CCSER1: variants seen among roughly 807,000 people sequenced by gnomAD.
The protein encoded by CCSER1 is serine-rich coiled-coil domain-containing protein 1.
A neutral mutation model predicts 82.0 loss-of-function variants in CCSER1; 41 were observed. That is an observed-to-expected ratio of 0.50 (90% CI 0.39 to 0.65). The LOEUF (loss-of-function observed/expected upper bound fraction) is 0.65, where lower values mean the gene tolerates loss of function less well. Ranked by LOEUF, CCSER1 falls within the 30% of genes least tolerant of loss-of-function variation. The probability of loss-of-function intolerance (pLI) is 0.00; values close to 1 mark genes in which losing one functional copy is unlikely to be tolerated. For missense variants in CCSER1, 1,119 were observed against 1,064.2 expected (o/e 1.05, Z -0.72); for synonymous variants, 414 against 383.9 (o/e 1.08, Z -0.92).
chr4:91,008,943 G>A (rs2150496732), intron 9 of CCSER1, among the ~76,000 whole-genome samples: 1 of 152,318 alleles, frequency 6.6e-6, no homozygotes, highest in Non-Finnish European at 1.5e-5. Flanking sequence ...AGAGAGCTGG[G>A]GAACCCAGTG....
chr4:90,606,048 T>G (rs1452835108), intron 5 of CCSER1, among the ~76,000 whole-genome samples: 1 of 152,144 alleles, frequency 6.6e-6, no homozygotes, highest in African/African-American at 2.4e-5. Context: ...ATAATTTCAT[T>G]TGGCTTAGGA....
intron 5 of CCSER1, among the ~76,000 whole-genome samples, chr4:90,551,103 A>G (rs1579109016): frequency 6.6e-6 from 1 of 152,166 alleles, no homozygotes; most frequent in Admixed American, 6.6e-5. Context: ...TTTGGTTACA[A>G]TTAAGTGAAA....
chr4:90,145,230 C>A (rs980529721), intron 1 of CCSER1, among the ~76,000 whole-genome samples: 10 of 151,956 alleles, frequency 6.6e-5, no homozygotes, highest in Non-Finnish European at 1.2e-4. Flanking sequence ...AAATAGGGTA[C>A]CTTTTCAATT....
intron 6 of CCSER1, among the ~76,000 whole-genome samples, chr4:90,651,006 T>C (rs552451850): frequency 6.6e-6 from 1 of 152,338 alleles, no homozygotes; most frequent in Admixed American, 6.5e-5. Flanking sequence ...GGGGAAGTTA[T>C]TTAATGTCTT....
chr4:90,505,219 A>G (rs1770515490), intron 5 of CCSER1, among the ~76,000 whole-genome samples: 1 of 152,242 alleles, frequency 6.6e-6, no homozygotes, highest in Non-Finnish European at 1.5e-5. Flanking sequence ...GAGAAGGGGC[A>G]ACAGATGGGC....
chr4:90,396,837 ATAAG>A (rs1752032375), intron 3 of CCSER1, among the ~76,000 whole-genome samples: 1 of 151,466 alleles, frequency 6.6e-6, no homozygotes, highest in African/African-American at 2.4e-5. Context: ...CCTTTCTCTG[ATAAG>A]TAAAGGACCT....
rs186925276 is a variant in CCSER1, at chr4:90,782,149, C to T, written c.2011-33613C>T. ...TTGCATATTTCCTGGTCGGCCTTCA[C>T]TGAATAGTTAATTAGAATACCACCA... On this transcript the variant is annotated intron_variant, in intron 7 of 10. Transcript: ENST00000509176. 1.9e-3 allele frequency: 400 copies of T among 214,296 alleles called. 2 individuals carry two copies. The highest frequency in any genetic ancestry group is 9.1e-3 in the African/African-American group (386 of 42,622). The allele number at this position is 214,296 out of a possible 1,614,324, so 13.3% of individuals were successfully genotyped here.
chr4:91,347,464 A>C (rs1173630442), intron 10 of CCSER1, among the ~76,000 whole-genome samples: 3 of 151,152 alleles, frequency 2.0e-5, no homozygotes, highest in Non-Finnish European at 4.4e-5. Flanking sequence ...TTTTCTTATG[A>C]AATTTAGAAC....
intron 4 of CCSER1, among the ~76,000 whole-genome samples, chr4:90,444,193 C>G (rs1007091579): frequency 6.6e-6 from 1 of 151,754 alleles, no homozygotes; most frequent in African/African-American, 2.4e-5. Flanking sequence ...TTTGGCACAC[C>G]GAGGTAAAAT....
chr4:90,362,966 A>G (rs1485815304), intron 3 of CCSER1, among the ~76,000 whole-genome samples: 1 of 152,152 alleles, frequency 6.6e-6, no homozygotes, highest in East Asian at 1.9e-4. Flanking sequence ...AATTTATATT[A>G]TTATTTAGAG....
chr4:90,663,729 A>AT (rs1731221681), intron 6 of CCSER1: 1 of 159,436 alleles, frequency 6.3e-6, no homozygotes, highest in Non-Finnish European at 1.4e-5. Context: ...TCTAAAACAT[A>AT]TGTTTGCCAG....
At chr4:90,271,988 G>A (rs767248726) in intron 1 of CCSER1, among the ~76,000 whole-genome samples, 1 of 149,096 alleles carries the variant, frequency 6.7e-6, no homozygotes, top group Admixed American at 6.7e-5. Flanking sequence ...TTTTTACAAG[G>A]CAGGAGAGAG....
intron 10 of CCSER1, among the ~76,000 whole-genome samples, chr4:91,184,305 G>T (rs1734324218): frequency 6.6e-6 from 1 of 152,214 alleles, no homozygotes; most frequent in Non-Finnish European, 1.5e-5. Flanking sequence ...CAGGCTGCAG[G>T]TTGTTTACTG....
intron 5 of CCSER1, among the ~76,000 whole-genome samples, chr4:90,594,917 T>C (rs1783146284): frequency 6.6e-6 from 1 of 152,008 alleles, no homozygotes; most frequent in Non-Finnish European, 1.5e-5. Context: ...AGGGAAGCAT[T>C]GAGGATTTAG....
intron 8 of CCSER1, among the ~76,000 whole-genome samples, chr4:90,841,023 T>G (rs1762504234): frequency 6.6e-6 from 1 of 152,152 alleles, no homozygotes; most frequent in Non-Finnish European, 1.5e-5. Context: ...CTGATTGAGA[T>G]TTTTGAGATT....
At chr4:91,216,612 G>A (rs557725036) in intron 10 of CCSER1, among the ~76,000 whole-genome samples, 12 of 152,268 alleles carry the variant, frequency 7.9e-5, no homozygotes, top group South Asian at 2.1e-4. Flanking sequence ...GAGCCACTGC[G>A]CCAGGCCTAT....
intron 10 of CCSER1, among the ~76,000 whole-genome samples, chr4:91,255,506 T>G (rs541802495): frequency 6.6e-6 from 1 of 152,270 alleles, no homozygotes; most frequent in African/African-American, 2.4e-5. Flanking sequence ...GTGGGCAGAC[T>G]CACAAAAACT....
At chr4:91,400,119 G>T (rs1752228724) in intron 10 of CCSER1, among the ~76,000 whole-genome samples, 1 of 151,936 alleles carries the variant, frequency 6.6e-6, no homozygotes, top group Admixed American at 6.6e-5. Flanking sequence ...ACGCAAATGT[G>T]CAGTTGCTAT....
At position 90,815,806 on chromosome 4, in the gene CCSER1, AGAGAAG is replaced by A; in HGVS notation, c.2058_2063del (p.Glu686_Lys687del). 6.4e-7 allele frequency: 1 copy of A among 1,551,320 alleles called. No homozygotes were observed. The highest frequency in any genetic ancestry group is 8.7e-7 in the Non-Finnish European group (1 of 1,146,842). On this transcript the variant is annotated inframe_deletion, in exon 8 of 11. Coordinates refer to ENST00000509176, the MANE Select transcript of CCSER1 (RefSeq NM_001145065.2). ...GCTCGATGCTCAAGCTGCAGCTGAA[AGAGAAG>A]GATGAACTCATTTCCCAACTTCAGG...
Sources: allele counts gnomAD v4.1 joint callset (sites outside exome capture counted in the v4.1 genomes callset), GRCh38; gene constraint gnomAD v4.1.1; transcripts MANE v1.5; gene names NCBI Gene and HGNC (gene_info 2026-07-23, HGNC 2026-07-21).